Variants in MLH3 observed in about 807,000 individuals in gnomAD.
MLH3 encodes the protein mutL homolog 3, also known as DNA mismatch repair protein Mlh3.
A neutral mutation model predicts 122.2 loss-of-function variants in MLH3; 82 were observed. The ratio of observed to expected loss-of-function variants is 0.67; its 90% confidence interval spans 0.56 to 0.81. The LOEUF is 0.81. MLH3 is among the 30% of genes least tolerant of loss of function. The pLI, the probability that MLH3 is intolerant of heterozygous loss-of-function variation, is 0.00. For synonymous variants in MLH3, 524 were observed against 599.5 expected (o/e 0.87, Z 1.84); for missense variants, 1,539 against 1,714.5 (o/e 0.90, Z 1.81).
chr14:75,038,983 G>GA (rs1891615938), intron 5 of MLH3, among the ~76,000 whole-genome samples: 1 of 151,424 alleles, frequency 6.6e-6, no homozygotes, highest in African/African-American at 2.4e-5. Context: ...TCAGCCTCCC[G>GA]AGTAGCTGGG....
At position 75,015,917 on chromosome 14, in the gene MLH3, G is replaced by C. The variant is rs1215433618; in HGVS notation, c.*1165C>G. ...ATTGATATAAAAGCCACTTTGAGCA[G>C]GCTGGTCAGGAAATACAAAAGTAGA... On this transcript the variant is annotated 3_prime_UTR_variant, in exon 13 of 13. Coordinates refer to ENST00000355774, the MANE Select transcript of MLH3 (RefSeq NM_001040108.2). The C allele has an allele frequency of 8.6e-6, 2 of 231,228 alleles. No homozygotes were observed. Among genetic ancestry groups the C allele is most frequent in the East Asian group, 6.1e-5 (1 of 16,322 alleles). The allele number at this position is 231,228 out of a possible 1,614,324, so 14.3% of individuals were successfully genotyped here.
intron 12 of MLH3, among the ~76,000 whole-genome samples, chr14:75,017,569 C>T (rs1889974108): frequency 6.6e-6 from 1 of 151,972 alleles, no homozygotes; most frequent in South Asian, 2.1e-4. Flanking sequence ...ATGTAGGTAG[C>T]ATACAAATAT....
At chr14:75,026,136 C>T (rs139350489) in intron 9 of MLH3, among the ~76,000 whole-genome samples, 1 of 152,192 alleles carries the variant, frequency 6.6e-6, no homozygotes, top group Non-Finnish European at 1.5e-5. Flanking sequence ...TTATCTACTA[C>T]ATCTATCCTC....
At chr14:75,050,692 G>A (rs904957525) in intron 1 of MLH3, among the ~76,000 whole-genome samples, 2 of 152,184 alleles carry the variant, frequency 1.3e-5, no homozygotes, top group African/African-American at 2.4e-5. Flanking sequence ...GAACCACCGC[G>A]CCCGGCCAGA....
chr14:75,038,518 T>A, intron 5 of MLH3, 106 bp from the exon 6 acceptor site: 1 of 791,464 alleles, frequency 1.3e-6, no homozygotes, highest in Non-Finnish European at 2.2e-6. Context: ...GTTTGCCTTA[T>A]CACACTCCTT....
At chr14:75,027,232 G>A (rs899882939) in intron 9 of MLH3, among the ~76,000 whole-genome samples, 1 of 151,894 alleles carries the variant, frequency 6.6e-6, no homozygotes, top group Non-Finnish European at 1.5e-5. Context: ...ACAAAATAAA[G>A]ATACTTTAAA....
chr14:75,036,432 G>A (rs771262535), intron 6 of MLH3, among the ~76,000 whole-genome samples: 2 of 151,622 alleles, frequency 1.3e-5, no homozygotes, highest in African/African-American at 2.4e-5. Flanking sequence ...TGCAACCTCC[G>A]CCTCCCGGGT....
chr14:75,030,573 TC>T lies in MLH3; in HGVS notation c.3956del (p.Gly1319GlufsTer5), dbSNP rs769764811. 5.0e-6 allele frequency: 8 copies of T among 1,614,064 alleles called. No homozygotes were observed. In the South Asian group the frequency reaches 7.7e-5, roughly 16 times the overall value. ...VEREANELRRGRSTVTKSIVE... is the reference protein window; with the variant it reads ...VEREANELRRXRSTVTKSIVE... Reference sequence around the variant, plus strand: ...CAATACTCTTGGTCACAGTAGATCTTCCTCTCCGAAGTTCATTGGCTTCTCT... The same window carrying T: ...CAATACTCTTGGTCACAGTAGATCTTCTCTCCGAAGTTCATTGGCTTCTCT... On this transcript the variant is annotated frameshift_variant, in exon 9 of 13. Coordinates refer to ENST00000355774, the MANE Select transcript of MLH3 (RefSeq NM_001040108.2). LOFTEE classifies it high-confidence loss of function.
chr14:75,047,809 T>C lies in MLH3; in HGVS notation c.1847A>G (p.Glu616Gly). The C allele has an allele frequency of 6.2e-7, 1 of 1,614,098 alleles. No individual in the cohort carries two copies. The highest frequency in any genetic ancestry group is 2.2e-5 in the East Asian group (1 of 44,878). Residue 616 changes from glutamate (E) to glycine (G), a missense_variant, in exon 2 of 13, where the codon GAA becomes GGA. Coordinates refer to ENST00000355774, the MANE Select transcript of MLH3 (RefSeq NM_001040108.2). ...TTCTGTTTCAGTTGATTTAGTTTTTTCATTTTGTACTACATGAGTTATAAA... is the reference window on the plus strand; with the variant it reads ...TTCTGTTTCAGTTGATTTAGTTTTTCCATTTTGTACTACATGAGTTATAAA... The part of the protein sequence containing the change: ...TGFITHVVQN[E>G]KTKSTETEHS...
intron 5 of MLH3, 65 bp downstream of exon 5, chr14:75,039,846 C>CATGTATATATAT (rs1891692314): frequency 3.8e-6 from 1 of 259,834 alleles, no homozygotes; most frequent in Non-Finnish European, 6.2e-6. Context: ...AGAGTTAGGC[C>CATGTATATATAT]ATATATATAT....
intron 6 of MLH3, 104 bp from the exon 7 acceptor site, chr14:75,033,594 T>A (rs1427811605): frequency 3.6e-6 from 3 of 827,334 alleles, no homozygotes; most frequent in Non-Finnish European, 6.3e-6. Context: ...AACAACAGCA[T>A]AAGACAAAAC....
At position 75,046,740 on chromosome 14, in the gene MLH3, C is replaced by T. The variant is rs1339430285; in HGVS notation, c.2916G>A (p.Leu972=). Residue 972 remains leucine, a synonymous_variant, in exon 2 of 13, where the codon TTG becomes TTA. Transcript: ENST00000355774. ...CGGTAACTTTAGAATTATTATAGGG[C>T]AATACCAAAGGAGTTTCTGATATCA... ...NCVISETPLV[L]PYNNSKVTGK... 4.3e-6 allele frequency: 7 copies of T among 1,614,016 alleles called. No individual in the cohort carries two copies. Among genetic ancestry groups the T allele is most frequent in the East Asian group, 4.5e-5 (2 of 44,904 alleles).
At chr14:75,045,199 G>T (rs184444014) in intron 2 of MLH3, among the ~76,000 whole-genome samples, 1 of 152,120 alleles carries the variant, frequency 6.6e-6, no homozygotes, top group Non-Finnish European at 1.5e-5. Flanking sequence ...GTGTGGTAGC[G>T]GGTGCCTGTA....
chr14:75,038,475 AGAAAG>A, intron 5 of MLH3, 63 bp from the exon 6 acceptor site: 1 of 1,006,630 alleles, frequency 9.9e-7, no homozygotes, highest in Non-Finnish European at 1.6e-6. Context: ...TTATTTGCAT[AGAAAG>A]ATACAGAACT....
intron 9 of MLH3, among the ~76,000 whole-genome samples, chr14:75,026,572 G>C (rs2139352807): frequency 6.6e-6 from 1 of 152,252 alleles, no homozygotes; most frequent in East Asian, 1.9e-4. Flanking sequence ...ATTTCCAAGA[G>C]ACAAGAGAGA....
rs773131164 is a variant in MLH3 at position 75,046,484 on chromosome 14, C to G, written c.3172G>C (p.Val1058Leu). 6.2e-7 allele frequency: 1 copy of G among 1,614,196 alleles called. No homozygotes were observed. Among genetic ancestry groups the G allele is most frequent in the South Asian group, 1.1e-5 (1 of 91,086 alleles). Residue 1058 changes from valine (V) to leucine (L), a missense_variant, in exon 2 of 13, where the codon GTC (valine) becomes CTC (leucine). Transcript: ENST00000355774. ...GTGCTGAGTCCAGTCATTTTGTTGACATAAACCATTCTTCCCAGGGCTACA... is the reference window on the plus strand; with the variant it reads ...GTGCTGAGTCCAGTCATTTTGTTGAGATAAACCATTCTTCCCAGGGCTACA... ...FDVALGRMVY[V>L]NKMTGLSTFI...
chr14:75,041,667 A>G lies in MLH3; in HGVS notation c.3413T>C (p.Leu1138Pro), dbSNP rs1566596824. 54 of 1,614,180 alleles carry G rather than the reference A, an allele frequency of 3.3e-5. No individual in the cohort carries two copies. The highest frequency in any genetic ancestry group is 4.3e-5 in the Non-Finnish European group (51 of 1,179,978). ...GTCCCATTCTGAGAACAAAGACTGA[A>G]GCGATTCGCTACTAACAGTATCATC... ...TVDDTVSSES[L>P]QSLFSEWDNP... is the part of the protein sequence containing the mutation. The change falls in exon 4 of 13, where the codon CTT becomes CCT. Residue 1138 changes from leucine (L) to proline (P), a missense_variant. By Grantham distance (98) the Leu-to-Pro change is moderately conservative (BLOSUM62 -3). Transcript: ENST00000355774.
At chr14:75,037,842 C>T (rs1481956833) in intron 6 of MLH3, among the ~76,000 whole-genome samples, 1 of 152,112 alleles carries the variant, frequency 6.6e-6, no homozygotes, top group African/African-American at 2.4e-5. Flanking sequence ...ATCTCCTTTG[C>T]ACACCCTCAT....
At chr14:75,024,101 G>A (rs954381763) in intron 9 of MLH3, among the ~76,000 whole-genome samples, 3 of 152,164 alleles carry the variant, frequency 2.0e-5, no homozygotes, top group African/African-American at 7.2e-5. Flanking sequence ...GCTTAGTGAA[G>A]GGGTGATGGG....
Sources: gnomAD v4.1 joint callset for allele counts (sites outside exome capture counted in the v4.1 genomes callset) on GRCh38, gnomAD v4.1.1 for gene constraint, MANE v1.5 for transcripts, NCBI Gene and HGNC (gene_info 2026-07-23, HGNC 2026-07-21) for gene names.